PPM1B: variants seen among roughly 807,000 people sequenced by gnomAD.
PPM1B encodes protein phosphatase, Mg2+/Mn2+ dependent 1B, also known as protein phosphatase 1B.
PPM1B carries 22 observed loss-of-function variants against 43.0 expected under a neutral mutation model. That is an observed-to-expected ratio of 0.51 (90% CI 0.37 to 0.73). The LOEUF (loss-of-function observed/expected upper bound fraction) is 0.73. Among genes scored for constraint, PPM1B ranks in the 30% least tolerant of loss-of-function variants. PPM1B has a pLI of 0.00. For synonymous variants in PPM1B, 217 were observed against 197.9 expected (o/e 1.10, Z -0.81); for missense variants, 632 against 584.2 (o/e 1.08, Z -0.84).
At chr2:44,208,753 G>A (rs1669312569) in intron 2 of PPM1B, among the ~76,000 whole-genome samples, 1 of 152,160 alleles carries the variant, frequency 6.6e-6, no homozygotes, top group Admixed American at 6.5e-5. Flanking sequence ...AGTATTTTGG[G>A]TATTCTGCCG....
At chr2:44,203,759 T>C (rs987088282) in intron 2 of PPM1B, among the ~76,000 whole-genome samples, 3 of 152,208 alleles carry the variant, frequency 2.0e-5, no homozygotes, top group African/African-American at 7.2e-5. Context: ...TAGTATTTTA[T>C]TGAAAGAATG....
At chr2:44,218,618 A>G in intron 5 of PPM1B, 81 bp downstream of exon 5, 1 of 957,560 alleles carries the variant, frequency 1.0e-6, no homozygotes, top group Non-Finnish European at 1.6e-6. Flanking sequence ...ACATTAACGA[A>G]GTCTATAATA....
chr2:44,229,074 C>T (rs967111422), intron 5 of PPM1B, among the ~76,000 whole-genome samples: 1 of 151,434 alleles, frequency 6.6e-6, no homozygotes, highest in Non-Finnish European at 1.5e-5. Context: ...CCCAGCTACT[C>T]GGGAGGCTGA....
chr2:44,184,572 C>T lies in PPM1B; in HGVS notation c.-15+15298C>T, dbSNP rs535582686. Among the ~76,000 whole-genome samples the T allele has an allele frequency of 2.6e-5, 4 of 152,210 alleles. No homozygotes were observed. In the East Asian group the frequency reaches 7.7e-4, roughly 29 times the overall value. On this transcript the variant is annotated intron_variant, in intron 1 of 5. Transcript: ENST00000282412. ...TCATTCTTGATCCCACTCCTGAATG[C>T]TTTATTTCTAGATCCACCTTCCTGC... is the stretch of plus-strand genomic sequence containing the variant.
intron 3 of PPM1B, among the ~76,000 whole-genome samples, chr2:44,211,559 A>G (rs1307459576): frequency 6.7e-6 from 1 of 149,094 alleles, no homozygotes; most frequent in Non-Finnish European, 1.5e-5. Flanking sequence ...CTTAATTAAT[A>G]ATTATGTTAT....
At chr2:44,173,442 T>G (rs1667443801) in intron 1 of PPM1B, among the ~76,000 whole-genome samples, 1 of 152,202 alleles carries the variant, frequency 6.6e-6, no homozygotes, top group African/African-American at 2.4e-5. Context: ...GATCTCATAC[T>G]TCGTAGTTTT....
downstream of PPM1B, among the ~76,000 whole-genome samples, chr2:44,239,488 GT>G (rs1245657062): frequency 6.6e-6 from 1 of 151,740 alleles, no homozygotes; most frequent in Non-Finnish European, 1.5e-5. Flanking sequence ...TTTGCTGTAT[GT>G]TTTTCTTGTT....
chr2:44,239,959 G>A (rs868556848), intron 5 of PPM1B, among the ~76,000 whole-genome samples: 1 of 144,752 alleles, frequency 6.9e-6, no homozygotes, highest in South Asian at 2.4e-4. Context: ...AGCCTCTTAA[G>A]TGCTGACATC....
chr2:44,241,582 A>C (rs1018087055), intron 5 of PPM1B, among the ~76,000 whole-genome samples: 1 of 141,544 alleles, frequency 7.1e-6, no homozygotes, highest in African/African-American at 2.5e-5. Context: ...AAATACAAAA[A>C]TTAGCCAGGC....
Position 44,169,089 on chromosome 2 carries a change from G to A in PPM1B, c.-200G>A, listed in dbSNP as rs577221021. On this transcript the variant is annotated 5_prime_UTR_variant, in exon 1 of 6. Transcript: ENST00000282412. ...GGCAACGGCGCTAGGGTGGAGAGAA[G>A]GCGGCATCGGCGGCGGCGGCGGCGT... The A allele has an allele frequency of 2.7e-5, 5 of 184,060 alleles. No homozygotes were observed. The highest frequency in any genetic ancestry group is 3.3e-5 in the Non-Finnish European group (3 of 89,614). The allele number at this position is 184,060 out of a possible 1,614,324, so 11.4% of individuals were successfully genotyped here.
intron 1 of PPM1B, among the ~76,000 whole-genome samples, chr2:44,182,223 T>C (rs959170318): frequency 6.6e-6 from 1 of 152,122 alleles, no homozygotes; most frequent in African/African-American, 2.4e-5. Context: ...TCCAGACATA[T>C]GGGAAATACT....
At chr2:44,175,134 A>C (rs573790531) in intron 1 of PPM1B, among the ~76,000 whole-genome samples, 1 of 152,116 alleles carries the variant, frequency 6.6e-6, no homozygotes, top group Admixed American at 6.6e-5. Flanking sequence ...TGTGCCTGTA[A>C]TCCTAGCTAC....
chr2:44,188,076 A>T (rs1023342001), intron 1 of PPM1B, among the ~76,000 whole-genome samples: 2 of 152,190 alleles, frequency 1.3e-5, no homozygotes, highest in African/African-American at 4.8e-5. Flanking sequence ...TTAATTTGAT[A>T]CACAGTCCAG....
chr2:44,195,781 C>T (rs1445892868), intron 1 of PPM1B, among the ~76,000 whole-genome samples: 1 of 152,204 alleles, frequency 6.6e-6, no homozygotes, highest in East Asian at 1.9e-4. Flanking sequence ...TAGTGACTTT[C>T]TTGTAACCAA....
chr2:44,187,509 C>T (rs1284775537), intron 1 of PPM1B, among the ~76,000 whole-genome samples: 3 of 152,074 alleles, frequency 2.0e-5, no homozygotes, highest in African/African-American at 7.2e-5. Flanking sequence ...CTTCCAAAAG[C>T]TTTTAAGTTT....
rs1353820392 is a variant in PPM1B at position 44,195,252 on chromosome 2, A to G, written c.-14-5934A>G. Among the ~76,000 whole-genome samples, 27 of 147,148 alleles carry G rather than the reference A, an allele frequency of 1.8e-4. No individual in the cohort carries two copies. In the Admixed American group the frequency reaches 1.8e-3, roughly 10 times the overall value. On this transcript the variant is annotated intron_variant, in intron 1 of 5. Coordinates refer to ENST00000282412, the MANE Select transcript of PPM1B (RefSeq NM_002706.6). ...AGGGACTCACTGTGTCGCTCAGGCT[A>G]GAGTATAGTGGCATGATCATAGTTC... is the stretch of plus-strand genomic sequence containing the variant.
chr2:44,179,155 C>A (rs1234193063), intron 1 of PPM1B, among the ~76,000 whole-genome samples: 1 of 152,156 alleles, frequency 6.6e-6, no homozygotes, highest in Non-Finnish European at 1.5e-5. Flanking sequence ...CACAAGCTCT[C>A]TCTTTGCCTG....
At chr2:44,227,044 G>A (rs1052721153) in intron 5 of PPM1B, among the ~76,000 whole-genome samples, 1 of 151,740 alleles carries the variant, frequency 6.6e-6, no homozygotes, top group Non-Finnish European at 1.5e-5. Flanking sequence ...CATGAACATG[G>A]CTTACTGTAA....
intron 5 of PPM1B, among the ~76,000 whole-genome samples, chr2:44,225,939 A>G (rs574609778): frequency 6.0e-5 from 9 of 149,410 alleles, no homozygotes; most frequent in Middle Eastern, 7.2e-3. Context: ...TACAGGCATG[A>G]GCCACCGTGC....
Sources: gnomAD v4.1 joint callset for allele counts (sites outside exome capture counted in the v4.1 genomes callset) on GRCh38, gnomAD v4.1.1 for gene constraint, MANE v1.5 for transcripts, NCBI Gene and HGNC (gene_info 2026-07-23, HGNC 2026-07-21) for gene names.